The following MGAT4C variants were observed in gnomAD, a reference collection of about 807,000 sequenced individuals.
MGAT4C encodes the protein alpha-1,3-mannosyl-glycoprotein 4-beta-N-acetylglucosaminyltransferase C.
A neutral mutation model predicts 40.1 loss-of-function variants in MGAT4C; 19 were observed. The ratio of observed to expected loss-of-function variants is 0.47; its 90% CI spans 0.33 to 0.70. The LOEUF (loss-of-function observed/expected upper bound fraction) is 0.70. MGAT4C is among the 30% of genes least tolerant of loss of function. The pLI is 0.02. For missense variants in MGAT4C, 491 were observed against 563.2 expected (o/e 0.87, Z 1.30); for synonymous variants, 181 against 187.1 (o/e 0.97, Z 0.27).
intron 1 of MGAT4C, among the ~76,000 whole-genome samples, chr12:86,135,488 G>C (rs1398891533): frequency 6.6e-6 from 1 of 152,128 alleles, no homozygotes; most frequent in Non-Finnish European, 1.5e-5. Context: ...GCAAAGGCTG[G>C]ATGGTGTAAT....
intron 1 of MGAT4C, among the ~76,000 whole-genome samples, chr12:86,051,807 T>C (rs1446724427): frequency 6.6e-6 from 1 of 151,350 alleles, no homozygotes; most frequent in African/African-American, 2.4e-5. Context: ...ATAATTTAGT[T>C]GATTTTGGAT....
chr12:85,980,537 T>C (rs1379049691), intron 4 of MGAT4C, 107 bp from the exon 5 acceptor site: 1 of 941,662 alleles, frequency 1.1e-6, no homozygotes, highest in Non-Finnish European at 1.5e-6. Context: ...ACATATTAAG[T>C]AAATCTAGTA....
intron 1 of MGAT4C, among the ~76,000 whole-genome samples, chr12:86,223,650 C>G (rs1287393820): frequency 2.0e-5 from 3 of 152,292 alleles, no homozygotes; most frequent in East Asian, 3.9e-4. Context: ...TACTGGGGGC[C>G]TGAGGACAAG....
chr12:86,376,770 G>T (rs1234286497), intron 3 of MGAT4C, among the ~76,000 whole-genome samples: 1 of 150,100 alleles, frequency 6.7e-6, no homozygotes, highest in Non-Finnish European at 1.5e-5. Flanking sequence ...ACATCAAAGA[G>T]CAAGAAAGAG....
At chr12:86,425,901 ATATT>A (rs1193281000) in intron 3 of MGAT4C, among the ~76,000 whole-genome samples, 1 of 152,182 alleles carries the variant, frequency 6.6e-6, no homozygotes, top group African/African-American at 2.4e-5. Flanking sequence ...TTTTCTTTTA[ATATT>A]TAAACTGTTT....
At position 86,523,115 on chromosome 12, in the gene MGAT4C, C is replaced by T. The variant is rs368755531; in HGVS notation, c.-228-87850G>A. 4.9e-4 allele frequency among the ~76,000 whole-genome samples: 75 copies of T among 151,582 alleles called. 1 individual carries two copies. The South Asian group carries it at 0.014, about 28-fold the overall frequency. On this transcript the variant is annotated intron_variant, in intron 2 of 7. Coordinates refer to the MGAT4C transcript ENST00000548651. ...TCTCCTTCAGTTCAGCTCTGATTTCCGGTATTTATTGTCTTCTAGTTTTGT... is the reference window on the plus strand; with the variant it reads ...TCTCCTTCAGTTCAGCTCTGATTTCTGGTATTTATTGTCTTCTAGTTTTGT...
At chr12:86,388,699 TA>T (rs1956109834) in intron 3 of MGAT4C, among the ~76,000 whole-genome samples, 2 of 148,876 alleles carry the variant, frequency 1.3e-5, no homozygotes, top group South Asian at 4.2e-4. Context: ...TTTTTTTTTT[TA>T]GACAGAGTCT....
intron 1 of MGAT4C, among the ~76,000 whole-genome samples, chr12:86,147,064 C>T (rs1449025993): frequency 1.3e-5 from 2 of 152,012 alleles, no homozygotes; most frequent in African/African-American, 4.8e-5. Context: ...ATGTGGAACA[C>T]CTACATTATG....
chr12:86,522,803 C>A lies in MGAT4C; in HGVS notation c.-228-87538G>T, dbSNP rs140790725. On this transcript the variant is annotated intron_variant, in intron 2 of 7. Transcript: ENST00000548651. ...CATTATCGGTGTGTTCAAGATTCAA[C>A]TTCTTCCTGGCTCAGTCTTAGGAGG... is the stretch of plus-strand genomic sequence containing the variant. 7.4e-4 allele frequency among the ~76,000 whole-genome samples: 113 copies of A among 152,184 alleles called. No individual in the cohort carries two copies. In the East Asian group the frequency reaches 0.021, roughly 28 times the overall value.
intron 1 of MGAT4C, among the ~76,000 whole-genome samples, chr12:86,116,390 G>A (rs1033932487): frequency 6.6e-6 from 1 of 152,028 alleles, no homozygotes; most frequent in African/African-American, 2.4e-5. Flanking sequence ...GGACTAAGCA[G>A]CTGTAAATTT....
chr12:86,366,924 C>A lies in MGAT4C; in HGVS notation c.-119-32797G>T, dbSNP rs191784811. On this transcript the variant is annotated intron_variant, in intron 3 of 7. Transcript: ENST00000548651. ...GTATTTATAAAAATTAACTTCTCAG[C>A]AATTTAGGAATATAATGAACCACTT... 4.6e-5 allele frequency among the ~76,000 whole-genome samples: 7 copies of A among 152,076 alleles called. No individual in the cohort carries two copies. The East Asian group carries it at 1.4e-3, about 29-fold the overall frequency.
At chr12:86,759,322 T>TA (rs1951361175) in intron 1 of MGAT4C, among the ~76,000 whole-genome samples, 1 of 152,150 alleles carries the variant, frequency 6.6e-6, no homozygotes. Context: ...TATTTGGCTG[T>TA]TGTGAATAGT....
chr12:86,172,451 T>A (rs1886955244), intron 1 of MGAT4C, among the ~76,000 whole-genome samples: 1 of 152,160 alleles, frequency 6.6e-6, no homozygotes, highest in Admixed American at 6.5e-5. Context: ...CTTCTGGTAG[T>A]CACTGGGGAT....
intron 2 of MGAT4C, among the ~76,000 whole-genome samples, chr12:86,709,617 T>C (rs1950523444): frequency 6.6e-6 from 1 of 152,140 alleles, no homozygotes; most frequent in East Asian, 1.9e-4. Context: ...ATAGATATTA[T>C]ATTTGAGGCT....
chr12:86,744,656 T>C (rs1951124761), intron 1 of MGAT4C, among the ~76,000 whole-genome samples: 1 of 151,596 alleles, frequency 6.6e-6, no homozygotes, highest in African/African-American at 2.4e-5. Context: ...CATTATTCAC[T>C]ATTTCAAGGT....
At chr12:86,158,337 T>C (rs925501194) in intron 1 of MGAT4C, among the ~76,000 whole-genome samples, 2 of 152,200 alleles carry the variant, frequency 1.3e-5, no homozygotes, top group Non-Finnish European at 2.9e-5. Context: ...TTTTACCTTT[T>C]AGAGATGTTT....
Position 85,974,215 on chromosome 12 carries a change from A to G in MGAT4C, c.*5074T>C, listed in dbSNP as rs892402125. 6.6e-6 allele frequency: 1 copy of G among 150,908 alleles called. No individual in the cohort carries two copies. The highest frequency in any genetic ancestry group is 1.5e-5 in the Non-Finnish European group (1 of 67,130). 9.3% of individuals were successfully genotyped at this position (150,908 alleles called of 1,614,324 possible). On this transcript the variant is annotated 3_prime_UTR_variant, in exon 5 of 5. Transcript: ENST00000611864. ...TTAAAGTATCTAAAAGGATGCACAA[A>G]GATCTCTAATGTGCTGTGATTTTCA...
At chr12:86,080,597 A>C (rs1470339869) in intron 1 of MGAT4C, among the ~76,000 whole-genome samples, 1 of 152,194 alleles carries the variant, frequency 6.6e-6, no homozygotes, top group East Asian at 1.9e-4. Context: ...GCACACACAC[A>C]CATGCACACG....
At chr12:86,634,122 T>C (rs144829250) in intron 2 of MGAT4C, among the ~76,000 whole-genome samples, 359 of 152,174 alleles carry the variant, frequency 2.4e-3, no homozygotes, top group African/African-American at 8.3e-3. Flanking sequence ...ATTTAGAAAA[T>C]AATTCACAGT....
Sources: gnomAD v4.1 joint callset for allele counts (sites outside exome capture counted in the v4.1 genomes callset) on GRCh38, gnomAD v4.1.1 for gene constraint, MANE v1.5 for transcripts, NCBI Gene and HGNC (gene_info 2026-07-23, HGNC 2026-07-21) for gene names.